Variants in RNF150 observed in about 807,000 individuals in gnomAD.
The protein encoded by RNF150 is ring finger protein 150.
RNF150 carries 24 observed loss-of-function variants against 39.3 expected under a neutral mutation model. The observed-to-expected ratio is 0.61, with a 90% CI of 0.44 to 0.86. The LOEUF is 0.86. Ranked by LOEUF, RNF150 falls within the 40% of genes least tolerant of loss-of-function variation. RNF150 has a pLI of 0.00. For synonymous variants in RNF150, 255 were observed against 227.3 expected (o/e 1.12, Z -1.10); for missense variants, 502 against 587.8 (o/e 0.85, Z 1.51).
At chr4:141,186,167 T>A (rs1410786905) in intron 1 of RNF150, among the ~76,000 whole-genome samples, 2 of 152,210 alleles carry the variant, frequency 1.3e-5, no homozygotes, top group African/African-American at 4.8e-5. Flanking sequence ...GTCCTGGGCT[T>A]TTTTTGGTTG....
chr4:140,873,690 A>T (rs552716204), intron 6 of RNF150, among the ~76,000 whole-genome samples: 1 of 152,056 alleles, frequency 6.6e-6, no homozygotes, highest in Non-Finnish European at 1.5e-5. Flanking sequence ...TTATTTTTTT[A>T]TTTTTGAGAC....
At chr4:141,086,065 CA>C (rs1560730839) in intron 1 of RNF150, among the ~76,000 whole-genome samples, 10 of 148,212 alleles carry the variant, frequency 6.7e-5, no homozygotes, top group East Asian at 6.2e-4. Flanking sequence ...CACACACACA[CA>C]CACCCTTCTA....
intron 1 of RNF150, among the ~76,000 whole-genome samples, chr4:140,995,782 C>T (rs1203552852): frequency 6.6e-6 from 1 of 152,150 alleles, no homozygotes; most frequent in African/African-American, 2.4e-5. Context: ...CCAGTTCCAT[C>T]CATATTGTTG....
intron 6 of RNF150, among the ~76,000 whole-genome samples, chr4:140,910,055 T>C (rs1302055683): frequency 6.6e-6 from 1 of 152,226 alleles, no homozygotes; most frequent in Admixed American, 6.5e-5. Flanking sequence ...CAGTGATTTT[T>C]TTCATTCTTT....
At chr4:140,870,456 A>ATGTGTGTG (rs36234235) in intron 6 of RNF150, among the ~76,000 whole-genome samples, 36 of 147,812 alleles carry the variant, frequency 2.4e-4, no homozygotes, top group African/African-American at 8.7e-4. Context: ...TTGTGCGTGT[A>ATGTGTGTG]TGTGTGTGTG....
intron 5 of RNF150, among the ~76,000 whole-genome samples, chr4:140,919,938 A>G (rs1731034136): frequency 2.0e-5 from 3 of 152,214 alleles, no homozygotes; most frequent in South Asian, 4.1e-4. Flanking sequence ...CAAGGGGGAA[A>G]GGATTCCCTA....
chr4:141,009,717 A>C (rs1735003731), intron 1 of RNF150, among the ~76,000 whole-genome samples: 2 of 152,174 alleles, frequency 1.3e-5, no homozygotes, highest in African/African-American at 4.8e-5. Context: ...GGGGATGAAA[A>C]TATTAATTCT....
At chr4:141,183,754 ACT>A (rs1727952710) in intron 1 of RNF150, among the ~76,000 whole-genome samples, 1 of 151,838 alleles carries the variant, frequency 6.6e-6, no homozygotes, top group Non-Finnish European at 1.5e-5. Flanking sequence ...GAGAACATGC[ACT>A]GTTTGGTTTT....
intron 4 of RNF150, among the ~76,000 whole-genome samples, chr4:140,926,983 C>T (rs562326172): frequency 2.6e-5 from 4 of 152,324 alleles, no homozygotes; most frequent in East Asian, 3.9e-4. Context: ...TGCCTCTCAC[C>T]CCTCTGCAAT....
intron 1 of RNF150, among the ~76,000 whole-genome samples, chr4:141,008,436 T>C (rs867556437): frequency 3.9e-5 from 6 of 152,342 alleles, no homozygotes; most frequent in Middle Eastern, 3.4e-3. Flanking sequence ...GTCCAATTTA[T>C]TAATCTTTTC....
At chr4:140,949,250 A>C in intron 3 of RNF150, 51 bp downstream of exon 3, 22 of 1,378,028 alleles carry the variant, frequency 1.6e-5, no homozygotes, top group Non-Finnish European at 2.0e-5. Context: ...AAGAAAAGTT[A>C]GAAGCTTCTT....
At chr4:140,979,779 C>T (rs899801411) in intron 1 of RNF150, among the ~76,000 whole-genome samples, 3 of 151,996 alleles carry the variant, frequency 2.0e-5, no homozygotes, top group Non-Finnish European at 4.4e-5. Flanking sequence ...ATTTCTGCAA[C>T]GTTAAAAGGT....
intron 1 of RNF150, among the ~76,000 whole-genome samples, chr4:141,184,835 A>T (rs1032160625): frequency 1.3e-5 from 2 of 150,148 alleles, no homozygotes; most frequent in African/African-American, 4.9e-5. Context: ...ATTATTTCTG[A>T]GGCCTCTGTT....
intron 3 of RNF150, among the ~76,000 whole-genome samples, chr4:140,949,021 G>C (rs1655754428): frequency 6.6e-6 from 1 of 151,986 alleles, no homozygotes; most frequent in African/African-American, 2.4e-5. Flanking sequence ...ACAAATTTTA[G>C]GTAATCCATT....
intron 4 of RNF150, among the ~76,000 whole-genome samples, chr4:140,936,977 A>G (rs1731885938): frequency 6.6e-6 from 1 of 152,156 alleles, no homozygotes; most frequent in Admixed American, 6.5e-5. Flanking sequence ...TGCTAGCATA[A>G]ACACTCTCAC....
intron 1 of RNF150, among the ~76,000 whole-genome samples, chr4:141,059,769 CT>C (rs1737139622): frequency 6.6e-6 from 1 of 151,990 alleles, no homozygotes. Flanking sequence ...GTAATCCCTC[CT>C]TAGAATAAAA....
intron 1 of RNF150, among the ~76,000 whole-genome samples, chr4:141,062,364 T>C (rs1306148918): frequency 6.6e-6 from 1 of 152,114 alleles, no homozygotes; most frequent in Non-Finnish European, 1.5e-5. Flanking sequence ...TGTATATATA[T>C]GTATGTGTAT....
intron 2 of RNF150, 61 bp from the exon 3 acceptor site, chr4:140,949,433 A>C: frequency 7.4e-7 from 1 of 1,346,114 alleles, no homozygotes; most frequent in Non-Finnish European, 1.1e-6. Flanking sequence ...TTCATTTCTG[A>C]TATCATTTAA....
At chr4:141,070,342 C>A (rs1344729102) in intron 1 of RNF150, among the ~76,000 whole-genome samples, 2,748 of 129,382 alleles carry the variant, frequency 0.021, no homozygotes, top group African/African-American at 0.055. Flanking sequence ...ATGTCTAAAA[C>A]ACCAAAAGCA....
Sources: gnomAD v4.1 joint callset for allele counts (sites outside exome capture counted in the v4.1 genomes callset) on GRCh38, gnomAD v4.1.1 for gene constraint, MANE v1.5 for transcripts, NCBI Gene and HGNC (gene_info 2026-07-23, HGNC 2026-07-21) for gene names.